The following PCDH11X variants were observed in gnomAD, a reference collection of about 807,000 sequenced individuals.
The protein encoded by PCDH11X is protocadherin-11 X-linked.
PCDH11X carries 18 observed loss-of-function variants against 53.3 expected under a neutral mutation model. The observed-to-expected ratio is 0.34, with a 90% CI of 0.23 to 0.50. The LOEUF is 0.50. PCDH11X is among the 20% of genes least tolerant of loss of function. PCDH11X has a pLI of 0.98. For synonymous variants in PCDH11X, 279 were observed against 393.3 expected (o/e 0.71, Z 3.44); for missense variants, 570 against 1,032.4 (o/e 0.55, Z 6.14).
intron 8 of PCDH11X, among the ~76,000 whole-genome samples, chrX:92,332,153 T>G (rs1252268414): frequency 1.8e-5 from 2 of 112,393 alleles, no homozygotes; most frequent in Non-Finnish European, 3.8e-5. Flanking sequence ...TGCTGATACT[T>G]AAGTGCTAAG....
intron 4 of PCDH11X, among the ~76,000 whole-genome samples, chrX:91,821,458 C>G (rs1230626585): frequency 2.1e-4 from 23 of 111,029 alleles, no homozygotes; most frequent in South Asian, 7.6e-4. Flanking sequence ...GTTCACTCAT[C>G]ATTTGGCTCT....
chrX:92,276,480 A>T (rs1048989675), intron 8 of PCDH11X, among the ~76,000 whole-genome samples: 1 of 110,193 alleles, frequency 9.1e-6, no homozygotes, highest in South Asian at 4.0e-4. Flanking sequence ...CCTGGGCTGC[A>T]GGCATTCCTT....
intron 8 of PCDH11X, among the ~76,000 whole-genome samples, chrX:92,269,010 TC>T: frequency 8.9e-6 from 1 of 112,545 alleles, no homozygotes; most frequent in South Asian, 3.7e-4. Flanking sequence ...ATATGTGCAT[TC>T]CCTGGATCTT....
At chrX:91,998,130 C>A (rs993202374) in intron 6 of PCDH11X, among the ~76,000 whole-genome samples, 6 of 110,471 alleles carry the variant, frequency 5.4e-5, no homozygotes, top group African/African-American at 2.0e-4. Flanking sequence ...GACAGGATTT[C>A]ACCATGTTGG....
intron 8 of PCDH11X, among the ~76,000 whole-genome samples, chrX:92,340,064 C>T (rs2069716422): frequency 9.0e-6 from 1 of 111,540 alleles, no homozygotes; most frequent in Non-Finnish European, 1.9e-5. Context: ...AGAAATCGGC[C>T]AAAGAATGGA....
chrX:92,084,565 A>G (rs1235873789), intron 6 of PCDH11X, among the ~76,000 whole-genome samples: 3 of 110,008 alleles, frequency 2.7e-5, no homozygotes, highest in Non-Finnish European at 5.7e-5. Flanking sequence ...GAAATAGTCT[A>G]ATATTAACTA....
chrX:92,542,621 A>C (rs1312467094), intron 10 of PCDH11X, among the ~76,000 whole-genome samples: 1 of 111,654 alleles, frequency 9.0e-6, no homozygotes, highest in Non-Finnish European at 1.9e-5. Flanking sequence ...AAATAATTTG[A>C]AGTCAACTAA....
At position 91,781,329 on chromosome X, in the gene PCDH11X, A is replaced by G. The variant is rs1429286045; in HGVS notation, c.-379+1645A>G. Among the ~76,000 whole-genome samples, 3 of 104,977 alleles carry G rather than the reference A, an allele frequency of 2.9e-5. No individual in the cohort carries two copies. In the East Asian group the frequency reaches 9.8e-4, roughly 34 times the overall value. 91.2% of individuals were successfully genotyped at this position (104,977 alleles called of 115,157 possible). A position where few individuals can be genotyped will look rare whatever the true frequency, so the allele number is the denominator to read the frequency against. On this transcript the variant is annotated intron_variant, in intron 1 of 10. Coordinates refer to ENST00000682573, the MANE Select transcript of PCDH11X (RefSeq NM_032968.5). ...AGAAGGGGGAGGGGGGGCAGCAAAG[A>G]TGGGGAGGAGGCGATGGTGTCATAG...
At chrX:91,887,657 G>A (rs765960599) in intron 6 of PCDH11X, among the ~76,000 whole-genome samples, 1 of 111,922 alleles carries the variant, frequency 8.9e-6, no homozygotes, top group South Asian at 3.7e-4. Flanking sequence ...CTTTATAACA[G>A]TAATTCTGTT....
At chrX:92,415,687 A>G (rs2071793294) in intron 9 of PCDH11X, among the ~76,000 whole-genome samples, 1 of 102,633 alleles carries the variant, frequency 9.7e-6, no homozygotes, top group Non-Finnish European at 2.0e-5. Context: ...TTAAGAAAAG[A>G]AAAATAATAA....
At chrX:92,067,991 G>A (rs1279768280) in intron 6 of PCDH11X, among the ~76,000 whole-genome samples, 1 of 109,087 alleles carries the variant, frequency 9.2e-6, no homozygotes, top group East Asian at 2.9e-4. Context: ...TGAATTTGTG[G>A]TATCCGTTGT....
chrX:91,888,667 A>C (rs761654085), intron 6 of PCDH11X, among the ~76,000 whole-genome samples: 106 of 111,047 alleles, frequency 9.5e-4, no homozygotes, highest in African/African-American at 3.0e-3. Flanking sequence ...TCTCAAAAAA[A>C]TTTTTTTAAA....
chrX:92,346,031 A>G (rs1033270099), intron 8 of PCDH11X, among the ~76,000 whole-genome samples: 2 of 110,884 alleles, frequency 1.8e-5, no homozygotes, highest in Non-Finnish European at 3.8e-5. Context: ...TGAATTTCCA[A>G]TGATAGGTTT....
intron 6 of PCDH11X, among the ~76,000 whole-genome samples, chrX:91,970,293 T>A (rs779039021): frequency 9.0e-6 from 1 of 111,498 alleles, no homozygotes; most frequent in Non-Finnish European, 1.9e-5. Context: ...GGTGGCCTGC[T>A]TTTATTCCCT....
intron 6 of PCDH11X, among the ~76,000 whole-genome samples, chrX:92,151,570 T>C (rs182453337): frequency 0.016 from 1,751 of 111,896 alleles, 39 homozygotes; most frequent in African/African-American, 0.054. Flanking sequence ...TTCTCTATTT[T>C]GTTAATTGGC....
chrX:92,003,389 C>A (rs1300224760), intron 6 of PCDH11X, among the ~76,000 whole-genome samples: 2 of 110,479 alleles, frequency 1.8e-5, no homozygotes, highest in African/African-American at 3.3e-5. Context: ...TAATACTGGA[C>A]TCATAGAATG....
chrX:92,390,427 T>C (rs1403097415), intron 9 of PCDH11X, among the ~76,000 whole-genome samples: 1 of 107,432 alleles, frequency 9.3e-6, no homozygotes, highest in African/African-American at 3.4e-5. Flanking sequence ...AGAAAAAACA[T>C]AGCTGGTTTA....
chrX:91,887,323 T>C (rs1940276924), intron 6 of PCDH11X, among the ~76,000 whole-genome samples: 1 of 111,315 alleles, frequency 9.0e-6, no homozygotes, highest in East Asian at 2.8e-4. Flanking sequence ...TTAGTTTGTG[T>C]TTATTTTAAA....
chrX:92,283,719 G>A (rs756401894), intron 8 of PCDH11X, among the ~76,000 whole-genome samples: 1 of 111,548 alleles, frequency 9.0e-6, no homozygotes, highest in Non-Finnish European at 1.9e-5. Context: ...TGTCCAGTGT[G>A]TCTAAGCATA....
Sources: gnomAD v4.1 joint callset for allele counts (sites outside exome capture counted in the v4.1 genomes callset) on GRCh38, gnomAD v4.1.1 for gene constraint, MANE v1.5 for transcripts, NCBI Gene and HGNC (gene_info 2026-07-23, HGNC 2026-07-21) for gene names.